TUT4: variants seen among roughly 807,000 people sequenced by gnomAD.
TUT4 encodes the protein terminal uridylyltransferase 4.
Under a neutral mutation model 192.2 loss-of-function variants are expected in TUT4, and 36 were observed. That is an observed-to-expected ratio of 0.19 (90% confidence interval 0.14 to 0.25). The LOEUF is 0.25. Among genes scored for constraint, TUT4 ranks in the 10% least tolerant of loss-of-function variants. The pLI is 1.00. For missense variants in TUT4, 1,493 were observed against 1,957.2 expected, an observed-to-expected ratio of 0.76 and a Z score of 4.47; for synonymous variants, 618 against 666.0, an observed-to-expected ratio of 0.93 and a Z score of 1.11.
intron 8 of TUT4, 43 bp from the exon 9 acceptor site, chr1:52,489,078 T>C (rs201219200): frequency 1.3e-6 from 2 of 1,561,470 alleles, no homozygotes; most frequent in African/African-American, 1.4e-5. Context: ...TTAATACCCT[T>C]AAAAGCAGAA....
chr1:52,551,784 T>C (rs1261571364), intron 1 of TUT4, among the ~76,000 whole-genome samples: 1 of 152,250 alleles, frequency 6.6e-6, no homozygotes, highest in African/African-American at 2.4e-5. Flanking sequence ...AATTATCATA[T>C]CTGGCTGGGA....
At chr1:52,444,053 T>C (rs896161468) in intron 24 of TUT4, among the ~76,000 whole-genome samples, 2 of 152,150 alleles carry the variant, frequency 1.3e-5, no homozygotes, top group Non-Finnish European at 2.9e-5. Flanking sequence ...CTGGTCAACA[T>C]GGTGAAATCC....
At chr1:52,456,316 T>C (rs1660917531) in intron 20 of TUT4, among the ~76,000 whole-genome samples, 1 of 149,864 alleles carries the variant, frequency 6.7e-6, no homozygotes, top group Non-Finnish European at 1.5e-5. Context: ...GGCAAGAGAA[T>C]TGCTTTAATC....
chr1:52,504,430 G>C (rs1222056261), intron 4 of TUT4, among the ~76,000 whole-genome samples: 1 of 152,200 alleles, frequency 6.6e-6, no homozygotes, highest in South Asian at 2.1e-4. Flanking sequence ...AGGAGTTTGA[G>C]ACCAGCCTGG....
intron 14 of TUT4, among the ~76,000 whole-genome samples, chr1:52,470,040 G>A (rs999027066): frequency 2.6e-5 from 4 of 152,234 alleles, no homozygotes; most frequent in African/African-American, 4.8e-5. Context: ...CTAGTGTTCA[G>A]GTCTTGGTTT....
rs1195739562 is a variant in TUT4, at chr1:52,429,082, G to GTT, written c.4711+1929_4711+1930dup. On this transcript the variant is annotated intron_variant, in intron 28 of 29. Coordinates refer to ENST00000257177, the MANE Select transcript of TUT4 (RefSeq NM_001009881.3). ...GTATGTTTCAAAATTTCCATAATAG[G>GTT]TTTTTTTTTTTTTTTTTTTGAGATG... 3.4e-3 allele frequency among the ~76,000 whole-genome samples: 441 copies of GTT among 131,406 alleles called. 9 individuals are homozygous for GTT. Among genetic ancestry groups the GTT allele is most frequent in the African/African-American group, 0.011 (367 of 33,992 alleles). 86.2% of individuals were successfully genotyped at this position (131,406 alleles called of 152,430 possible).
chr1:52,511,065 A>C (rs546697664), intron 3 of TUT4, among the ~76,000 whole-genome samples: 3 of 152,304 alleles, frequency 2.0e-5, no homozygotes, highest in East Asian at 3.9e-4. Flanking sequence ...AAAATTACAT[A>C]ATTTCTTTTA....
Position 52,423,955 on chromosome 1 carries a change from T to A in TUT4, c.4918A>T (p.Arg1640Ter). Reference protein sequence around the residue: ...RCRERCPHPPRGNVSE With the variant: ...RCRERCPHPP ...TCGCATTACTCCGACACGTTTCCTC[T>A]TGGTGGGTGGGGACAACGCTCTCTA... Residue 1640 changes from arginine (R) to a stop codon, truncating the protein, a stop_gained, in exon 30 of 30, where the codon AGA becomes TGA. Transcript: ENST00000257177. LOFTEE classifies it high-confidence loss of function. The A allele has an allele frequency of 6.2e-7, 1 of 1,613,224 alleles. No individual in the cohort carries two copies. The highest frequency in any genetic ancestry group is 8.5e-7 in the Non-Finnish European group (1 of 1,179,658).
chr1:52,443,184 G>C (rs987326739), intron 24 of TUT4, among the ~76,000 whole-genome samples: 12 of 151,966 alleles, frequency 7.9e-5, no homozygotes, highest in African/African-American at 2.9e-4. Context: ...TTGGGAGGCT[G>C]AGGCAGGAGA....
chr1:52,517,332 T>G (rs933913890), intron 2 of TUT4, among the ~76,000 whole-genome samples: 3 of 152,234 alleles, frequency 2.0e-5, no homozygotes, highest in African/African-American at 7.2e-5. Flanking sequence ...TGTGTCATGT[T>G]GAATAAATAA....
chr1:52,551,930 T>G (rs1689550722), intron 1 of TUT4, among the ~76,000 whole-genome samples: 1 of 152,266 alleles, frequency 6.6e-6, no homozygotes, highest in South Asian at 2.1e-4. Context: ...AAAGGCCATC[T>G]GATCCACTCG....
chr1:52,521,179 G>A (rs995809314), intron 2 of TUT4, among the ~76,000 whole-genome samples: 5 of 152,032 alleles, frequency 3.3e-5, no homozygotes, highest in Admixed American at 6.5e-5. Flanking sequence ...TGGAATTATC[G>A]GTTCCATCAC....
chr1:52,519,400 G>C (rs1283199545), intron 2 of TUT4, among the ~76,000 whole-genome samples: 1 of 152,148 alleles, frequency 6.6e-6, no homozygotes, highest in Non-Finnish European at 1.5e-5. Context: ...TGGGTATGGA[G>C]TTTCTTTGTA....
intron 1 of TUT4, among the ~76,000 whole-genome samples, chr1:52,540,911 A>G (rs1340849429): frequency 6.6e-6 from 1 of 152,212 alleles, no homozygotes; most frequent in Non-Finnish European, 1.5e-5. Context: ...TTTTTCAAAT[A>G]CAAGAATACA....
chr1:52,448,383 T>C (rs1570389320), intron 20 of TUT4, among the ~76,000 whole-genome samples: 1 of 150,964 alleles, frequency 6.6e-6, no homozygotes, highest in African/African-American at 2.4e-5. Context: ...AGGTCAGGAG[T>C]TCAAGACCAG....
intron 1 of TUT4, among the ~76,000 whole-genome samples, chr1:52,552,377 A>G (rs1418397544): frequency 2.6e-5 from 4 of 152,124 alleles, no homozygotes; most frequent in South Asian, 2.1e-4. Context: ...CGGGGGAGAG[A>G]GAAGGCGGGC....
At chr1:52,518,605 C>A (rs545642019) in intron 2 of TUT4, among the ~76,000 whole-genome samples, 3 of 152,092 alleles carry the variant, frequency 2.0e-5, no homozygotes, top group African/African-American at 7.2e-5. Context: ...TGGGAGGGGA[C>A]ATAATCCAGT....
chr1:52,468,522 T>C, intron 14 of TUT4: 1 of 355,410 alleles, frequency 2.8e-6, no homozygotes, highest in Non-Finnish European at 5.1e-6. Context: ...AAGATATATG[T>C]ACATTTCACA....
In TUT4 at chr1:52,436,953, T is replaced by C; in HGVS notation, c.3964A>G (p.Lys1322Glu). Residue 1322 changes from lysine to glutamate, a missense_variant, in exon 26 of 30, where the codon AAA becomes GAA. Transcript: ENST00000257177. Reference protein sequence around the residue: ...KSSLLFRLKKKDSEEEKEGNE... With the variant: ...KSSLLFRLKKEDSEEEKEGNE... ...CCTTCCTTCTCTTCTTCACTGTCTTTCTTCTTTAGTCTAAACAGTAAACTG... is the reference window on the plus strand; with the variant it reads ...CCTTCCTTCTCTTCTTCACTGTCTTCCTTCTTTAGTCTAAACAGTAAACTG... 1 of 1,614,010 alleles carries C rather than the reference T, an allele frequency of 6.2e-7. No homozygotes were observed. Among genetic ancestry groups the C allele is most frequent in the Non-Finnish European group, 8.5e-7 (1 of 1,180,006 alleles).
Sources: allele counts gnomAD v4.1 joint callset (sites outside exome capture counted in the v4.1 genomes callset), GRCh38; gene constraint gnomAD v4.1.1; transcripts MANE v1.5; gene names NCBI Gene and HGNC (gene_info 2026-07-23, HGNC 2026-07-21).